The following CNTN4 variants were observed in gnomAD, a reference collection of about 807,000 sequenced individuals.
CNTN4 encodes contactin-4.
In CNTN4, 77 loss-of-function variants were observed where a neutral mutation model predicts 122.5. The observed-to-expected ratio is 0.63, with a 90% CI of 0.52 to 0.76. The LOEUF (loss-of-function observed/expected upper bound fraction) is 0.76, where lower values mean the gene tolerates loss of function less well. CNTN4 is among the 30% of genes least tolerant of loss of function. CNTN4 has a pLI of 0.00. For synonymous variants in CNTN4, 512 were observed against 447.0 expected (o/e 1.15, Z -1.83); for missense variants, 1,256 against 1,259.1 (o/e 1.00, Z 0.04).
chr3:2,761,293 CTG>C (rs2090577606), intron 6 of CNTN4, among the ~76,000 whole-genome samples: 1 of 152,292 alleles, frequency 6.6e-6, no homozygotes, highest in South Asian at 2.1e-4. Flanking sequence ...CACAGAAAGG[CTG>C]TGACCTTCAG....
At chr3:2,677,332 T>A (rs2084913636) in intron 4 of CNTN4, among the ~76,000 whole-genome samples, 1 of 148,050 alleles carries the variant, frequency 6.8e-6, no homozygotes, top group Non-Finnish European at 1.5e-5. Flanking sequence ...CATTGAGATT[T>A]TTTTTTTTTG....
chr3:2,183,580 G>T (rs1373492851), intron 2 of CNTN4, among the ~76,000 whole-genome samples: 1 of 152,106 alleles, frequency 6.6e-6, no homozygotes, highest in Non-Finnish European at 1.5e-5. Context: ...ATAGAGACCT[G>T]TTCTCTGTTA....
chr3:2,696,546 C>G (rs2086045032), intron 4 of CNTN4, among the ~76,000 whole-genome samples: 1 of 152,182 alleles, frequency 6.6e-6, no homozygotes, highest in African/African-American at 2.4e-5. Flanking sequence ...CAAGGCCTCA[C>G]CAGACACCAA....
intron 3 of CNTN4, among the ~76,000 whole-genome samples, chr3:2,352,660 C>T (rs1431957542): frequency 6.6e-6 from 1 of 152,188 alleles, no homozygotes; most frequent in Admixed American, 6.5e-5. Flanking sequence ...GCCCGCCAAG[C>T]CCGAGCTCCC....
chr3:2,988,051 G>C (rs936433810), intron 13 of CNTN4, among the ~76,000 whole-genome samples: 4 of 152,120 alleles, frequency 2.6e-5, no homozygotes, highest in African/African-American at 9.7e-5. Context: ...AATGTGGTTA[G>C]AGCTACCAAA....
intron 23 of CNTN4, among the ~76,000 whole-genome samples, chr3:3,051,124 TTTC>T (rs1701222895): frequency 6.6e-6 from 1 of 152,202 alleles, no homozygotes; most frequent in Non-Finnish European, 1.5e-5. Flanking sequence ...CAAGACAATT[TTTC>T]TTCTTCCAGT....
chr3:2,517,333 A>G (rs2077068493), intron 3 of CNTN4, among the ~76,000 whole-genome samples: 1 of 152,106 alleles, frequency 6.6e-6, no homozygotes, highest in Non-Finnish European at 1.5e-5. Flanking sequence ...TATGGAAACT[A>G]TATAGCAGTT....
At chr3:2,634,676 GAA>G (rs10655083) in intron 4 of CNTN4, among the ~76,000 whole-genome samples, 3,477 of 134,616 alleles carry the variant, frequency 0.026, 45 homozygotes, top group Middle Eastern at 0.044. Flanking sequence ...TAAAAATACA[GAA>G]AAAAAAAAAA....
intron 2 of CNTN4, among the ~76,000 whole-genome samples, chr3:2,304,724 A>G (rs2042642032): frequency 6.6e-6 from 1 of 151,428 alleles, no homozygotes; most frequent in African/African-American, 2.4e-5. Context: ...AAGCAGATAA[A>G]CAGAAGGAGC....
chr3:2,670,497 G>GGGAT (rs2150369595), intron 4 of CNTN4, among the ~76,000 whole-genome samples: 1 of 152,208 alleles, frequency 6.6e-6, no homozygotes, highest in East Asian at 1.9e-4. Context: ...CTCTGCACGT[G>GGGAT]GGATGGGTTT....
intron 13 of CNTN4, among the ~76,000 whole-genome samples, chr3:2,945,270 T>C (rs919539358): frequency 6.6e-6 from 1 of 152,200 alleles, no homozygotes; most frequent in Admixed American, 6.5e-5. Flanking sequence ...GTTAGCCAAT[T>C]AGTCTTCAAC....
intron 3 of CNTN4, among the ~76,000 whole-genome samples, chr3:2,416,349 G>A (rs972002854): frequency 6.6e-6 from 1 of 152,050 alleles, no homozygotes; most frequent in African/African-American, 2.4e-5. Context: ...ATTTATCAAT[G>A]CCATTAGTTT....
At position 3,007,559 on chromosome 3, in the gene CNTN4, C is replaced by T. The variant is rs151245971; in HGVS notation, c.1487-18543C>T. ...CAAATAACCTGTTTAACTTAAAGCACCTAGGAAATGAAGTTGCCTTTATTT... is the reference window on the plus strand; with the variant it reads ...CAAATAACCTGTTTAACTTAAAGCATCTAGGAAATGAAGTTGCCTTTATTT... On this transcript the variant is annotated intron_variant, in intron 14 of 24. Transcript: ENST00000418658. Among the ~76,000 whole-genome samples the T allele has an allele frequency of 5.6e-4, 86 of 152,276 alleles. No individual in the cohort carries two copies. In the East Asian group the frequency reaches 0.013, roughly 24 times the overall value.
At position 2,697,522 on chromosome 3, in the gene CNTN4, G is replaced by A. The variant is rs149630979; in HGVS notation, c.56-38693G>A. Among the ~76,000 whole-genome samples the A allele has an allele frequency of 2.2e-3, 334 of 152,256 alleles. 1 individual carries two copies. Among genetic ancestry groups the A allele is most frequent in the East Asian group, 0.014 (70 of 5,182 alleles). On this transcript the variant is annotated intron_variant, in intron 4 of 24. Coordinates refer to ENST00000418658, the MANE Select transcript of CNTN4 (RefSeq NM_175607.3). ...TGTGGTGGCAGAATGTCAGGTTGGG[G>A]TTGCCAGTGACCATGTTTGTCCCCA...
intron 2 of CNTN4, among the ~76,000 whole-genome samples, chr3:2,207,635 G>C (rs11717379): frequency 0.077 from 11,718 of 152,134 alleles, 563 homozygotes; most frequent in East Asian, 0.23. Flanking sequence ...AACATTTGAA[G>C]CTAGCAGAGG....
chr3:2,527,430 C>CTGCTGT (rs1164210948), intron 3 of CNTN4, among the ~76,000 whole-genome samples: 4 of 151,566 alleles, frequency 2.6e-5, no homozygotes, highest in African/African-American at 9.8e-5. Flanking sequence ...GCTGCTGCTG[C>CTGCTGT]TGCTGTTGCT....
chr3:2,396,042 TA>T (rs371539239), intron 3 of CNTN4, among the ~76,000 whole-genome samples: 27 of 151,516 alleles, frequency 1.8e-4, no homozygotes, highest in African/African-American at 5.8e-4. Flanking sequence ...TTGTTGTTGT[TA>T]TTTTTTTTTT....
chr3:2,391,629 G>A (rs2046444767), intron 3 of CNTN4, among the ~76,000 whole-genome samples: 1 of 152,126 alleles, frequency 6.6e-6, no homozygotes, highest in African/African-American at 2.4e-5. Context: ...TGAAACAGAC[G>A]TGATGTTTAT....
chr3:3,030,424 TA>T (rs1300771790), intron 15 of CNTN4, among the ~76,000 whole-genome samples: 1 of 152,170 alleles, frequency 6.6e-6, no homozygotes, highest in Non-Finnish European at 1.5e-5. Flanking sequence ...GGTTGAGCAA[TA>T]AAATGCAGAT....
Sources: allele counts gnomAD v4.1 joint callset (sites outside exome capture counted in the v4.1 genomes callset), GRCh38; gene constraint gnomAD v4.1.1; transcripts MANE v1.5; gene names NCBI Gene and HGNC (gene_info 2026-07-23, HGNC 2026-07-21).